The following GALNT18 variants were observed in gnomAD, a reference collection of about 807,000 sequenced individuals.
The protein encoded by GALNT18 is polypeptide N-acetylgalactosaminyltransferase 18.
In GALNT18, 44 loss-of-function variants were observed where a neutral mutation model predicts 69.5. The observed-to-expected ratio is 0.63, with a 90% CI of 0.50 to 0.81. The LOEUF (loss-of-function observed/expected upper bound fraction) is 0.81. GALNT18 is among the 40% of genes least tolerant of loss of function. The probability of loss-of-function intolerance (pLI) is 0.00; values close to 1 mark genes in which losing one functional copy is unlikely to be tolerated. For synonymous variants in GALNT18, 364 were observed against 318.2 expected (o/e 1.14, Z -1.53); for missense variants, 715 against 810.0 (o/e 0.88, Z 1.42).
chr11:11,442,084 G>T (rs1038118184), intron 2 of GALNT18, among the ~76,000 whole-genome samples: 3 of 152,148 alleles, frequency 2.0e-5, no homozygotes, highest in African/African-American at 4.8e-5. Context: ...GGCTGGAATC[G>T]GGGTGTGCAG....
rs200029042 is a variant in GALNT18, at chr11:11,586,596, CAT to C, written c.235+34761_235+34762del. ...CCTTTTGCTTAGGCTGTAGTCAGGA[CAT>C]AGTTGATCTTTTAAAAAAAATAAAA... On this transcript the variant is annotated intron_variant, in intron 1 of 10. Coordinates refer to ENST00000227756, the MANE Select transcript of GALNT18 (RefSeq NM_198516.3). The surrounding 1 kb of genome is among the most constrained non-coding windows in gnomAD (Gnocchi z 4.1). 6.9e-3 allele frequency among the ~76,000 whole-genome samples: 1,055 copies of C among 152,224 alleles called. 16 individuals are homozygous for C. The highest frequency in any genetic ancestry group is 0.024 in the African/African-American group (1,002 of 41,514).
intron 1 of GALNT18, among the ~76,000 whole-genome samples, chr11:11,537,968 A>G (rs1857822652): frequency 6.6e-6 from 1 of 152,104 alleles, no homozygotes; most frequent in Admixed American, 6.5e-5. Context: ...GCCAATTTTA[A>G]TCTAATACAA....
chr11:11,371,481 A>G (rs549984363), intron 6 of GALNT18, among the ~76,000 whole-genome samples: 9 of 152,344 alleles, frequency 5.9e-5, no homozygotes, highest in African/African-American at 2.2e-4. Context: ...TGAGGTCTGC[A>G]TGGATGTGTG....
At chr11:11,411,727 G>A (rs1854732554) in intron 3 of GALNT18, among the ~76,000 whole-genome samples, 1 of 152,242 alleles carries the variant, frequency 6.6e-6, no homozygotes, top group Admixed American at 6.5e-5. Flanking sequence ...CTTTGCCGAG[G>A]AAGGGCCCTT....
intron 1 of GALNT18, among the ~76,000 whole-genome samples, chr11:11,589,792 C>T (rs1179868968): frequency 6.6e-6 from 1 of 152,154 alleles, no homozygotes; most frequent in Non-Finnish European, 1.5e-5. Context: ...TTCCCAACAA[C>T]CTACTCTCAA....
intron 1 of GALNT18, among the ~76,000 whole-genome samples, chr11:11,547,403 A>G (rs1476016274): frequency 2.6e-5 from 4 of 152,202 alleles, no homozygotes; most frequent in South Asian, 2.1e-4. Flanking sequence ...CCAGCTACAG[A>G]TAATAAGGCC....
chr11:11,390,320 C>T (rs1854156893), intron 3 of GALNT18, among the ~76,000 whole-genome samples: 1 of 152,212 alleles, frequency 6.6e-6, no homozygotes, highest in African/African-American at 2.4e-5. Flanking sequence ...TCTCGCCTCC[C>T]CTGTCCCAGC....
intron 9 of GALNT18, among the ~76,000 whole-genome samples, chr11:11,297,748 G>A (rs551472446): frequency 4.6e-5 from 7 of 152,236 alleles, no homozygotes; most frequent in South Asian, 2.1e-4. Flanking sequence ...ACAAACCCCC[G>A]GGGCAGAGAA....
chr11:11,305,930 A>G (rs565918472), intron 9 of GALNT18, among the ~76,000 whole-genome samples: 1 of 152,124 alleles, frequency 6.6e-6, no homozygotes, highest in African/African-American at 2.4e-5. Flanking sequence ...ATGCAGGTGC[A>G]CTCCCTGGTG....
chr11:11,364,644 A>G (rs1850719701), intron 6 of GALNT18, among the ~76,000 whole-genome samples: 1 of 152,230 alleles, frequency 6.6e-6, no homozygotes, highest in Non-Finnish European at 1.5e-5. Context: ...AAGCAAAGAA[A>G]TTGTATATCA....
At chr11:11,293,215 G>C (rs771187705) in intron 9 of GALNT18, 22 bp from the exon 10 acceptor site, 1 of 1,316,826 alleles carries the variant, frequency 7.6e-7, no homozygotes, top group Non-Finnish European at 9.8e-7. Context: ...GGGAGGGAGA[G>C]AGTGTGGATA....
Position 11,435,442 on chromosome 11 carries a change from G to A in GALNT18, c.429-2655C>T, listed in dbSNP as rs956726177. Among the ~76,000 whole-genome samples the A allele has an allele frequency of 6.6e-6, 1 of 152,176 alleles. No homozygotes were observed. The highest frequency in any genetic ancestry group is 2.4e-5 in the African/African-American group (1 of 41,442). ...TAATAAGCTAAGCCCTGCTGATCAC[G>A]ATTTTCACAAGAAAGACTTTTGAAC... On this transcript the variant is annotated intron_variant, in intron 2 of 10. Coordinates refer to ENST00000227756, the MANE Select transcript of GALNT18 (RefSeq NM_198516.3). This position sits in a 1 kb window ranked among gnomAD's most constrained non-coding sequence, Gnocchi z 4.4.
rs975465555 is a variant in GALNT18, at chr11:11,583,952, G to C, written c.235+37407C>G. Among the ~76,000 whole-genome samples the C allele has an allele frequency of 3.3e-5, 5 of 152,086 alleles. No individual in the cohort carries two copies. The highest frequency in any genetic ancestry group is 5.9e-5 in the Non-Finnish European group (4 of 68,012). Reference sequence around the variant, plus strand: ...GTCAACGGCTCCCCACAAGATGAAAGCACAAGGTCACACTCAATGAAATAG... The same window carrying C: ...GTCAACGGCTCCCCACAAGATGAAACCACAAGGTCACACTCAATGAAATAG... On this transcript the variant is annotated intron_variant, in intron 1 of 10. Coordinates refer to ENST00000227756, the MANE Select transcript of GALNT18 (RefSeq NM_198516.3). This position sits in a 1 kb window ranked among gnomAD's most constrained non-coding sequence, Gnocchi z 4.7.
Position 11,389,998 on chromosome 11 carries a change from G to A in GALNT18, c.596-10734C>T, listed in dbSNP as rs1854146296. On this transcript the variant is annotated intron_variant, in intron 3 of 10. Coordinates refer to ENST00000227756, the MANE Select transcript of GALNT18 (RefSeq NM_198516.3). The surrounding 1 kb of genome is among the most constrained non-coding windows in gnomAD (Gnocchi z 4.3). ...TAAAATCTCATGACTGAGAGCCCAAGAGTTTATGATTCTGAATCCAAAATT... is the reference window on the plus strand; with the variant it reads ...TAAAATCTCATGACTGAGAGCCCAAAAGTTTATGATTCTGAATCCAAAATT... Among the ~76,000 whole-genome samples, 1 of 152,156 alleles carries A rather than the reference G, an allele frequency of 6.6e-6. No homozygotes were observed. The highest frequency in any genetic ancestry group is 1.5e-5 in the Non-Finnish European group (1 of 68,030).
chr11:11,435,936 T>A lies in GALNT18; in HGVS notation c.429-3149A>T, dbSNP rs1206256234. Among the ~76,000 whole-genome samples the A allele has an allele frequency of 1.3e-5, 2 of 152,176 alleles. No individual in the cohort carries two copies. The highest frequency in any genetic ancestry group is 4.8e-5 in the African/African-American group (2 of 41,432). On this transcript the variant is annotated intron_variant, in intron 2 of 10. Coordinates refer to ENST00000227756, the MANE Select transcript of GALNT18 (RefSeq NM_198516.3). This position sits in a 1 kb window ranked among gnomAD's most constrained non-coding sequence, Gnocchi z 4.4. ...GGCCAAACGCCCTGACCTCCTTAAA[T>A]CCTTCTTTTCTCTTCTCTCCTGGGA...
intron 6 of GALNT18, among the ~76,000 whole-genome samples, chr11:11,365,758 T>C (rs1394463208): frequency 6.6e-6 from 1 of 152,204 alleles, no homozygotes; most frequent in Non-Finnish European, 1.5e-5. Context: ...GTCTCATTTA[T>C]GATAAAGTAT....
At position 11,601,578 on chromosome 11, in the gene GALNT18, A is replaced by C. The variant is rs1565036171; in HGVS notation, c.235+19781T>G. On this transcript the variant is annotated intron_variant, in intron 1 of 10. Coordinates refer to ENST00000227756, the MANE Select transcript of GALNT18 (RefSeq NM_198516.3). This position sits in a 1 kb window ranked among gnomAD's most constrained non-coding sequence, Gnocchi z 4.0. ...CTCTATTATTTTCAACGGTGCCTTT[A>C]GGCATAAATTGCTCCACAGTCTGAT... Among the ~76,000 whole-genome samples, 1 of 152,170 alleles carries C rather than the reference A, an allele frequency of 6.6e-6. No individual in the cohort carries two copies. The highest frequency in any genetic ancestry group is 1.5e-5 in the Non-Finnish European group (1 of 68,034).
At chr11:11,368,255 T>C (rs535129823) in intron 6 of GALNT18, among the ~76,000 whole-genome samples, 1 of 152,378 alleles carries the variant, frequency 6.6e-6, no homozygotes, top group East Asian at 1.9e-4. Flanking sequence ...GTCTTTGATA[T>C]TCTGTAGTTC....
rs571964301 is a variant in GALNT18 at position 11,564,827 on chromosome 11, T to C, written c.235+56532A>G. Among the ~76,000 whole-genome samples the C allele has an allele frequency of 6.6e-6, 1 of 152,260 alleles. No homozygotes were observed. The highest frequency in any genetic ancestry group is 1.5e-5 in the Non-Finnish European group (1 of 68,016). On this transcript the variant is annotated intron_variant, in intron 1 of 10. Transcript: ENST00000227756. The surrounding 1 kb of genome is among the most constrained non-coding windows in gnomAD (Gnocchi z 4.3). ...AATATGTTAATTACAATTAAATAAG[T>C]CAAACTAGCTACATTTCAAGTGTTC...
Sources: allele counts gnomAD v4.1 joint callset (sites outside exome capture counted in the v4.1 genomes callset), GRCh38; gene constraint gnomAD v4.1.1; non-coding constraint Gnocchi (gnomAD v3.1); transcripts MANE v1.5; gene names NCBI Gene and HGNC (gene_info 2026-07-23, HGNC 2026-07-21).